The following SV2B variants were observed in gnomAD, a reference collection of about 807,000 sequenced individuals.
SV2B encodes synaptic vesicle glycoprotein 2B, also known as solute carrier family 22 member B2.
SV2B carries 41 observed loss-of-function variants against 73.9 expected under a neutral mutation model. That is an observed-to-expected ratio of 0.56 (90% confidence interval 0.43 to 0.72). The LOEUF (loss-of-function observed/expected upper bound fraction) is 0.72, where lower values mean the gene tolerates loss of function less well. Ranked by LOEUF, SV2B falls within the 30% of genes least tolerant of loss-of-function variation. The pLI, the probability that SV2B is intolerant of heterozygous loss-of-function variation, is 0.00. For synonymous variants in SV2B, 314 were observed against 314.2 expected (o/e 1.00, Z 0.01); for missense variants, 764 against 857.8 (o/e 0.89, Z 1.37).
rs1338583137 is a variant in SV2B at position 91,211,507 on chromosome 15, C to CTT, written c.-391-14351_-391-14350dup. 2.4e-3 allele frequency among the ~76,000 whole-genome samples: 342 copies of CTT among 140,034 alleles called. 3 individuals carry two copies. The highest frequency in any genetic ancestry group is 8.7e-3 in the African/African-American group (330 of 38,062). 91.9% of individuals were successfully genotyped at this position (140,034 alleles called of 152,430 possible). ...CTGCTGCTGCTGCTTCTTCTTCTTCCTTTTTTTTTTTTTTTTGTTGGAGTC... is the reference window on the plus strand; with the variant it reads ...CTGCTGCTGCTGCTTCTTCTTCTTCCTTTTTTTTTTTTTTTTTTGTTGGAGTC... On this transcript the variant is annotated intron_variant, in intron 1 of 12. Coordinates refer to ENST00000394232, the MANE Select transcript of SV2B (RefSeq NM_001323032.3).
chr15:91,206,887 T>C (rs1032173187), intron 1 of SV2B, among the ~76,000 whole-genome samples: 3 of 152,142 alleles, frequency 2.0e-5, no homozygotes, highest in Admixed American at 6.5e-5. Context: ...GGATCTTTTA[T>C]TTGGACACAT....
chr15:91,203,962 A>G (rs983639063), intron 1 of SV2B, among the ~76,000 whole-genome samples: 3 of 152,206 alleles, frequency 2.0e-5, no homozygotes, highest in Admixed American at 1.3e-4. Context: ...TAGGTTCTCA[A>G]TCAGGTCCAT....
In SV2B at chr15:91,197,216, T is replaced by G. The variant is rs28470588; in HGVS notation, c.-391-28657T>G. On this transcript the variant is annotated intron_variant, in intron 1 of 12. Coordinates refer to ENST00000394232, the MANE Select transcript of SV2B (RefSeq NM_001323032.3). This position sits in a 1 kb window ranked among gnomAD's most constrained non-coding sequence, Gnocchi z 4.9. ...TGTTTTGTTTTTGTGTTTTTTTTGT[T>G]TTTTGTTTTGTTTTGTTTTGTTTTG... 2.6e-4 allele frequency among the ~76,000 whole-genome samples: 38 copies of G among 145,004 alleles called. No individual in the cohort carries two copies. The highest frequency in any genetic ancestry group is 1.0e-3 in the African/African-American group (35 of 35,044).
chr15:91,114,599 A>C (rs2042127659), intron 1 of SV2B, among the ~76,000 whole-genome samples: 1 of 152,126 alleles, frequency 6.6e-6, no homozygotes, highest in African/African-American at 2.4e-5. Flanking sequence ...TGGCTATTTA[A>C]TCCCAGTCTC....
intron 1 of SV2B, among the ~76,000 whole-genome samples, chr15:91,113,223 A>G (rs1353985989): frequency 1.3e-5 from 2 of 152,108 alleles, no homozygotes; most frequent in Non-Finnish European, 2.9e-5. Flanking sequence ...CATAGACTAC[A>G]TCTCCAGGCT....
chr15:91,134,446 G>A (rs2042755814), intron 1 of SV2B, among the ~76,000 whole-genome samples: 1 of 152,178 alleles, frequency 6.6e-6, no homozygotes, highest in Non-Finnish European at 1.5e-5. Flanking sequence ...GGGATGGACA[G>A]AGCCACAAAG....
rs984277063 is a variant in SV2B at position 91,226,410 on chromosome 15, G to A, written c.147G>A (p.Glu49=). The part of the protein sequence containing the change: ...HDEEDEIYEG[E]YQGIPHPDDV... Reference sequence around the variant, plus strand: ...AGGAAGACGAGATCTATGAGGGCGAGTACCAGGGTATCCCTCACCCAGATG... The same window carrying A: ...AGGAAGACGAGATCTATGAGGGCGAATACCAGGGTATCCCTCACCCAGATG... Residue 49 remains glutamate, a synonymous_variant, in exon 2 of 13, where the codon GAG becomes GAA. Coordinates refer to ENST00000394232, the MANE Select transcript of SV2B (RefSeq NM_001323032.3). 7.4e-6 allele frequency: 12 copies of A among 1,614,092 alleles called. No homozygotes were observed. Among genetic ancestry groups the A allele is most frequent in the Non-Finnish European group, 8.5e-6 (10 of 1,180,044 alleles).
At position 91,290,948 on chromosome 15, in the gene SV2B, G is replaced by A. The variant is rs12595353; in HGVS notation, c.1868+1268G>A. Reference sequence around the variant, plus strand: ...GAGCTGCGAGAGCCCCGGGGTTTCAGGGTTACAGTGAGCTAGGATCACAAC... The same window carrying A: ...GAGCTGCGAGAGCCCCGGGGTTTCAAGGTTACAGTGAGCTAGGATCACAAC... On this transcript the variant is annotated intron_variant, in intron 12 of 12. Coordinates refer to ENST00000394232, the MANE Select transcript of SV2B (RefSeq NM_001323032.3). This position sits in a 1 kb window ranked among gnomAD's most constrained non-coding sequence, Gnocchi z 4.7. Among the ~76,000 whole-genome samples the A allele has an allele frequency of 0.36, 55,004 of 151,656 alleles. 15,182 individuals carry two copies. The highest frequency in any genetic ancestry group is 0.78 in the African/African-American group (32,154 of 41,308).
In SV2B at chr15:91,281,618, G is replaced by A. The variant is rs117151433; in HGVS notation, c.1374-110G>A. On this transcript the variant is annotated intron_variant, in intron 9 of 12. Coordinates refer to ENST00000394232, the MANE Select transcript of SV2B (RefSeq NM_001323032.3). The surrounding 1 kb of genome is among the most constrained non-coding windows in gnomAD (Gnocchi z 4.7). ...GGTCTGGGTTGAAAATAATGCTCTG[G>A]CACCTTTTGCTTGCACATCTCCTTT... 8.9e-3 allele frequency: 11,427 copies of A among 1,279,020 alleles called. 74 individuals are homozygous for A. The highest frequency in any genetic ancestry group is 0.011 in the Non-Finnish European group (10,295 of 932,616). The allele number at this position is 1,279,020 out of a possible 1,614,324, so 79.2% of individuals were successfully genotyped here. A position where few individuals can be genotyped will look rare whatever the true frequency, so the allele number is the denominator to read the frequency against.
Position 91,203,794 on chromosome 15 carries a change from A to G in SV2B, c.-391-22079A>G, listed in dbSNP as rs536596643. Among the ~76,000 whole-genome samples, 229 of 152,284 alleles carry G rather than the reference A, an allele frequency of 1.5e-3. 2 individuals carry two copies. Among genetic ancestry groups the G allele is most frequent in the African/African-American group, 5.4e-3 (223 of 41,556 alleles). On this transcript the variant is annotated intron_variant, in intron 1 of 12. Coordinates refer to ENST00000394232, the MANE Select transcript of SV2B (RefSeq NM_001323032.3). ...GTGTTAAATCTGTAAACAAAAGACC[A>G]TGAGATCTGTGGAGGAAGGGAGAGC...
chr15:91,272,552 G>T (rs116660606), intron 9 of SV2B, among the ~76,000 whole-genome samples: 3 of 152,150 alleles, frequency 2.0e-5, no homozygotes, highest in African/African-American at 7.2e-5. Flanking sequence ...AGGTAGGAAC[G>T]TGTAACTGCT....
rs1447394209 is a variant in SV2B, at chr15:91,258,529, C to T, written c.893C>T (p.Pro298Leu). Residue 298 changes from proline (P) to leucine (L), a missense_variant, in exon 5 of 13, where the codon CCA becomes CTA. Pro to Leu is a moderately conservative substitution (Grantham distance 98, BLOSUM62 -3). Coordinates refer to ENST00000394232, the MANE Select transcript of SV2B (RefSeq NM_001323032.3). The surrounding 1 kb of genome is among the most constrained non-coding windows in gnomAD (Gnocchi z 4.7). ...TVSMVALKFM[P>L]ESPRFLLEMG... ...TCCATGGTGGCCCTGAAGTTCATGC[C>T]AGAGAGCCCAAGGTTTCTGCTAGAG... The T allele has an allele frequency of 6.2e-7, 1 of 1,614,088 alleles. No individual in the cohort carries two copies. Among genetic ancestry groups the T allele is most frequent in the South Asian group, 1.1e-5 (1 of 91,062 alleles).
Position 91,268,635 on chromosome 15 carries a change from A to T in SV2B, c.1373+30A>T, listed in dbSNP as rs535923835. 21 of 1,599,440 alleles carry T rather than the reference A, an allele frequency of 1.3e-5. No homozygotes were observed. In the South Asian group the frequency reaches 2.1e-4, roughly 16 times the overall value. The stretch of plus-strand genomic sequence containing the variant: ...GTGAGTGATCACGGGCTTCCCTCAC[A>T]TCAGGGTGACAGTCGTGGGGACTGT... On this transcript the variant is annotated intron_variant, in intron 9 of 12. Coordinates refer to ENST00000394232, the MANE Select transcript of SV2B (RefSeq NM_001323032.3). This position sits in a 1 kb window ranked among gnomAD's most constrained non-coding sequence, Gnocchi z 4.4.
intron 1 of SV2B, among the ~76,000 whole-genome samples, chr15:91,193,995 G>T (rs570640318): frequency 5.3e-5 from 8 of 151,036 alleles, no homozygotes; most frequent in African/African-American, 2.0e-4. Context: ...GGGTATAGAG[G>T]TTTTTTTTGT....
chr15:91,160,533 A>G (rs1255951337), intron 1 of SV2B, among the ~76,000 whole-genome samples: 1 of 152,192 alleles, frequency 6.6e-6, no homozygotes, highest in Non-Finnish European at 1.5e-5. Context: ...ACTTGAACTC[A>G]GGAGACAGAG....
chr15:91,266,905 C>G (rs2048125593), intron 7 of SV2B: 5 of 418,326 alleles, frequency 1.2e-5, no homozygotes, highest in Non-Finnish European at 2.1e-5. Context: ...ATCTTAGTTT[C>G]TTTTCTTTGT....
chr15:91,228,126 T>C (rs1204194991), intron 2 of SV2B, among the ~76,000 whole-genome samples: 1 of 152,146 alleles, frequency 6.6e-6, no homozygotes, highest in Non-Finnish European at 1.5e-5. Flanking sequence ...GCATAAAAAA[T>C]TGTCCCTGGG....
intron 1 of SV2B, among the ~76,000 whole-genome samples, chr15:91,180,813 T>C (rs1274404235): frequency 6.6e-6 from 1 of 152,182 alleles, no homozygotes; most frequent in African/African-American, 2.4e-5. Context: ...TTTCAAAGTT[T>C]TCAACTTCTT....
chr15:91,278,660 C>A, intron 9 of SV2B, among the ~76,000 whole-genome samples: 1 of 76,596 alleles, frequency 1.3e-5, no homozygotes, highest in Admixed American at 1.4e-4. Flanking sequence ...GCCTGGGCGA[C>A]AGAGCGAGAC....
Sources: allele counts gnomAD v4.1 joint callset (sites outside exome capture counted in the v4.1 genomes callset), GRCh38; gene constraint gnomAD v4.1.1; non-coding constraint Gnocchi (gnomAD v3.1); transcripts MANE v1.5; gene names NCBI Gene and HGNC (gene_info 2026-07-23, HGNC 2026-07-21).